Variants in SP140 observed in about 807,000 individuals in gnomAD.
SP140 encodes SP140 nuclear body protein.
SP140 carries 81 observed loss-of-function variants against 125.0 expected under a neutral mutation model. That is an observed-to-expected ratio of 0.65 (90% CI 0.54 to 0.78). The LOEUF is 0.78. Ranked by LOEUF, SP140 falls within the 30% of genes least tolerant of loss-of-function variation. The pLI is 0.00. For missense variants in SP140, 858 were observed against 1,037.0 expected, an observed-to-expected ratio of 0.83 and a Z score of 2.37; for synonymous variants, 312 against 354.0, an observed-to-expected ratio of 0.88 and a Z score of 1.33.
intron 9 of SP140, among the ~76,000 whole-genome samples, chr2:230,249,586 A>G (rs1272276065): frequency 1.3e-5 from 2 of 152,228 alleles, no homozygotes; most frequent in Non-Finnish European, 2.9e-5. Context: ...AGGAGAAAGT[A>G]GAAGACACAT....
Position 230,309,955 on chromosome 2 carries a change from G to A in SP140, c.2090G>A (p.Arg697Gln), listed in dbSNP as rs775083339. Residue 697 changes from arginine to glutamine, a missense_variant, in exon 23 of 27, where the codon CGG becomes CAG. By Grantham distance (43) the Arg-to-Gln change is conservative. Around this residue, in one of 4 missense-constraint regions of SP140, gnomAD observed 791 missense variants for 869.5 expected, o/e 0.91. Coordinates refer to ENST00000392045, the MANE Select transcript of SP140 (RefSeq NM_007237.5). ...MRNLDECEVCRDGGELFCCDT... is the reference protein window; with the variant it reads ...MRNLDECEVCQDGGELFCCDT... Reference sequence around the variant, plus strand: ...AACCTGGATGAGTGTGAGGTGTGCCGGGACGGAGGGGAGCTGTTCTGTTGC... The same window carrying A: ...AACCTGGATGAGTGTGAGGTGTGCCAGGACGGAGGGGAGCTGTTCTGTTGC... The A allele has an allele frequency of 2.7e-5, 44 of 1,613,982 alleles. 1 individual carries two copies. The highest frequency in any genetic ancestry group is 6.7e-5 in the African/African-American group (5 of 74,912).
At chr2:230,212,857 A>G (rs1285614259) in intron 1 of SP140, 2 of 1,613,854 alleles carry the variant, frequency 1.2e-6, no homozygotes, top group African/African-American at 2.7e-5. Flanking sequence ...CTTTGCTGGG[A>G]GGATGTTCCA....
At chr2:230,210,247 C>T (rs2044317399) in intron 1 of SP140, among the ~76,000 whole-genome samples, 2 of 152,068 alleles carry the variant, frequency 1.3e-5, no homozygotes, top group Non-Finnish European at 2.9e-5. Context: ...TCAGTCTGAT[C>T]CTTTTAGAGA....
chr2:230,254,241 C>A (rs1454175723), intron 11 of SP140, among the ~76,000 whole-genome samples: 1 of 152,080 alleles, frequency 6.6e-6, no homozygotes, highest in Admixed American at 6.5e-5. Context: ...AGGAAAGGAG[C>A]GGGTTGAGGG....
rs752828812 is a variant in SP140, at chr2:230,225,868, G to A, written c.24G>A (p.Gly8=). The change falls in exon 1 of 27, where the codon GGG becomes GGA. Residue 8 remains glycine (G), a synonymous_variant. Coordinates refer to ENST00000392045, the MANE Select transcript of SP140 (RefSeq NM_007237.5). MAQQGQQ[G]QMASGDSNLN... The stretch of plus-strand genomic sequence containing the variant: ...TCATGGCCCAGCAGGGCCAGCAGGG[G>A]CAGATGGCAAGTGGAGACAGCAATC... 29 of 1,613,894 alleles carry A rather than the reference G, an allele frequency of 1.8e-5. No individual in the cohort carries two copies. Among genetic ancestry groups the A allele is most frequent in the Non-Finnish European group, 2.4e-5 (28 of 1,179,902 alleles).
At position 230,211,416 on chromosome 2, in the gene SP140, C is replaced by T. The variant is rs2044467593; in HGVS notation, c.-322-2238C>T. 3 of 1,143,780 alleles carry T rather than the reference C, an allele frequency of 2.6e-6. No individual in the cohort carries two copies. Among genetic ancestry groups the T allele is most frequent in the Non-Finnish European group, 4.0e-6 (3 of 750,714 alleles). 70.9% of individuals were successfully genotyped at this position (1,143,780 alleles called of 1,614,324 possible). On this transcript the variant is annotated intron_variant, in intron 1 of 4. Transcript: ENST00000456542. The surrounding 1 kb of genome is among the most constrained non-coding windows in gnomAD (Gnocchi z 4.2). ...CTAGAAGATCCGAATGGCTTTTCCT[C>T]TTAGTAAACACAGAAACAAAGGCAA...
At chr2:230,268,138 T>C (rs945028926) in intron 12 of SP140, among the ~76,000 whole-genome samples, 2 of 152,164 alleles carry the variant, frequency 1.3e-5, no homozygotes, top group Admixed American at 6.6e-5. Context: ...CCCAGGATAG[T>C]CTAGAATTCC....
intron 1 of SP140, among the ~76,000 whole-genome samples, chr2:230,205,747 G>T (rs1032270897): frequency 1.3e-5 from 2 of 152,242 alleles, no homozygotes; most frequent in Non-Finnish European, 2.9e-5. Flanking sequence ...TGAGACTGTA[G>T]TGTCAATGGG....
At chr2:230,254,578 A>G (rs771045794) in intron 11 of SP140, among the ~76,000 whole-genome samples, 1 of 152,220 alleles carries the variant, frequency 6.6e-6, no homozygotes, top group Non-Finnish European at 1.5e-5. Context: ...CCTCCCCTGA[A>G]CTTAGAAACT....
At chr2:230,240,188 G>T (rs2048529684) in intron 3 of SP140, among the ~76,000 whole-genome samples, 1 of 150,268 alleles carries the variant, frequency 6.7e-6, no homozygotes, top group East Asian at 1.9e-4. Context: ...AAATCTAGAA[G>T]TTAAGACTAC....
chr2:230,295,481 G>A lies in SP140; in HGVS notation c.2016+1163G>A, dbSNP rs530886527. Among the ~76,000 whole-genome samples, 4 of 152,286 alleles carry A rather than the reference G, an allele frequency of 2.6e-5. No individual in the cohort carries two copies. In the South Asian group the frequency reaches 8.3e-4, roughly 32 times the overall value. On this transcript the variant is annotated intron_variant, in intron 21 of 26. Coordinates refer to ENST00000392045, the MANE Select transcript of SP140 (RefSeq NM_007237.5). ...GTAACTGAGTCTGGATGACCCAAATGAGCTGGCAATTTCCGACTAACCGAC... is the reference window on the plus strand; with the variant it reads ...GTAACTGAGTCTGGATGACCCAAATAAGCTGGCAATTTCCGACTAACCGAC...
At chr2:230,315,981 T>C, downstream of SP140, among the ~76,000 whole-genome samples, 1 of 152,200 alleles carries the variant, frequency 6.6e-6, no homozygotes, top group East Asian at 1.9e-4. Context: ...TTTTAAAGGA[T>C]TCAGCAGGAT....
At chr2:230,287,867 T>G in intron 17 of SP140, 25 bp from the exon 18 acceptor site, 1 of 1,584,860 alleles carries the variant, frequency 6.3e-7, no homozygotes, top group Non-Finnish European at 8.6e-7. Context: ...TAAATGACTG[T>G]GATTATATTA....
chr2:230,294,557 T>C (rs1027560089), intron 21 of SP140, among the ~76,000 whole-genome samples: 2 of 151,872 alleles, frequency 1.3e-5, no homozygotes, highest in Admixed American at 1.3e-4. Context: ...TAAGGAGCCA[T>C]CAGAATATAC....
intron 20 of SP140, 106 bp downstream of exon 20, chr2:230,292,894 G>A (rs1015804761): frequency 6.6e-7 from 1 of 1,513,856 alleles, no homozygotes; most frequent in Admixed American, 1.9e-5. Flanking sequence ...AAGCCTTGAT[G>A]CCAGTGGGTT....
At chr2:230,297,379 T>C in intron 21 of SP140, 42 bp from the exon 22 acceptor site, 2 of 1,588,320 alleles carry the variant, frequency 1.3e-6, no homozygotes, top group Non-Finnish European at 8.6e-7. Flanking sequence ...ATGGAAACAA[T>C]GCATTCAATA....
At chr2:230,306,426 G>A (rs1182577357) in intron 22 of SP140, among the ~76,000 whole-genome samples, 1 of 152,242 alleles carries the variant, frequency 6.6e-6, no homozygotes, top group Non-Finnish European at 1.5e-5. Flanking sequence ...GCAGAGCCAA[G>A]GACAAGCAGG....
chr2:230,247,826 G>A (rs1414621684), intron 7 of SP140, 90 bp from the exon 8 acceptor site: 1 of 1,359,888 alleles, frequency 7.4e-7, no homozygotes, highest in East Asian at 2.3e-5. Flanking sequence ...AAGTCACCTT[G>A]TTTCACTACA....
intron 15 of SP140, among the ~76,000 whole-genome samples, chr2:230,277,598 C>T (rs2054913180): frequency 6.6e-6 from 1 of 152,086 alleles, no homozygotes; most frequent in Non-Finnish European, 1.5e-5. Context: ...TCAAATCTGT[C>T]AGCCTTTTCA....
Sources: allele counts gnomAD v4.1 joint callset (sites outside exome capture counted in the v4.1 genomes callset), GRCh38; gene constraint gnomAD v4.1.1; regional missense constraint gnomAD v4.1.1; non-coding constraint Gnocchi (gnomAD v3.1); transcripts MANE v1.5; gene names NCBI Gene and HGNC (gene_info 2026-07-23, HGNC 2026-07-21).